Variants in THSD7A observed in about 807,000 individuals in gnomAD.
THSD7A encodes thrombospondin type-1 domain-containing protein 7A.
Under a neutral mutation model 231.3 loss-of-function variants are expected in THSD7A, and 96 were observed. That is an observed-to-expected ratio of 0.41 (90% CI 0.35 to 0.49). The LOEUF is 0.49. THSD7A is among the 20% of genes least tolerant of loss of function. The probability of loss-of-function intolerance (pLI) is 0.05; values close to 1 mark genes in which losing one functional copy is unlikely to be tolerated. For synonymous variants in THSD7A, 940 were observed against 743.3 expected (o/e 1.26, Z -4.30); for missense variants, 2,290 against 2,070.2 (o/e 1.11, Z -2.06).
chr7:11,772,220 A>G (rs563368847), intron 1 of THSD7A, among the ~76,000 whole-genome samples: 2 of 152,266 alleles, frequency 1.3e-5, no homozygotes, highest in South Asian at 4.2e-4. Context: ...AAAAAAAACA[A>G]AACAAAACAG....
At chr7:11,749,243 C>T (rs887625921) in intron 1 of THSD7A, among the ~76,000 whole-genome samples, 2 of 151,972 alleles carry the variant, frequency 1.3e-5, no homozygotes, top group African/African-American at 4.8e-5. Context: ...GAGTTTCAGT[C>T]TTATGTACAA....
At chr7:11,820,278 C>G in intron 1 of THSD7A, 6 of 478,818 alleles carry the variant, frequency 1.3e-5, no homozygotes, top group Non-Finnish European at 2.1e-5. Context: ...TTTCCAGCAC[C>G]TCTCTCCCCT....
chr7:11,449,189 A>G (rs1300370700), intron 11 of THSD7A, among the ~76,000 whole-genome samples: 1 of 151,964 alleles, frequency 6.6e-6, no homozygotes, highest in Non-Finnish European at 1.5e-5. Context: ...GATACTTTTT[A>G]AGCTTTCTGA....
chr7:11,590,021 T>G lies in THSD7A; in HGVS notation c.1453+439A>C, dbSNP rs149195632. On this transcript the variant is annotated intron_variant, in intron 4 of 27. Transcript: ENST00000423059. The surrounding 1 kb of genome is among the most constrained non-coding windows in gnomAD (Gnocchi z 4.4). ...CTTATTTAAATTGAAATTGACAATT[T>G]TATTCAATATCATAATTAACTTATT... Among the ~76,000 whole-genome samples the G allele has an allele frequency of 2.9e-3, 448 of 152,332 alleles. 2 individuals carry two copies. The highest frequency in any genetic ancestry group is 0.01 in the African/African-American group (421 of 41,588).
chr7:11,686,795 CAT>C (rs768195743), intron 1 of THSD7A, among the ~76,000 whole-genome samples: 37 of 151,882 alleles, frequency 2.4e-4, no homozygotes, highest in Admixed American at 7.2e-4. Context: ...TACTTATAGA[CAT>C]AAAGATGGCA....
intron 13 of THSD7A, among the ~76,000 whole-genome samples, chr7:11,434,629 T>C (rs1481945650): frequency 6.6e-6 from 1 of 152,132 alleles, no homozygotes. Flanking sequence ...CTGAAACATC[T>C]GGATTAATTT....
chr7:11,629,152 T>C (rs895826114), intron 2 of THSD7A, among the ~76,000 whole-genome samples: 45 of 152,128 alleles, frequency 3.0e-4, no homozygotes, highest in African/African-American at 1.1e-3. Flanking sequence ...TTTCTCCCAT[T>C]GGTAGAATCC....
intron 4 of THSD7A, among the ~76,000 whole-genome samples, chr7:11,559,658 A>C (rs186682643): frequency 3.6e-4 from 55 of 152,160 alleles, no homozygotes; most frequent in African/African-American, 1.3e-3. Context: ...AGTAGAAGAA[A>C]GAGAATAAAA....
intron 24 of THSD7A, among the ~76,000 whole-genome samples, chr7:11,381,549 A>C (rs1164091892): frequency 1.3e-5 from 2 of 152,186 alleles, no homozygotes; most frequent in Non-Finnish European, 2.9e-5. Flanking sequence ...ACTCAGAGGC[A>C]TCCAAATGCA....
chr7:11,481,540 G>C (rs1488806912), intron 7 of THSD7A, among the ~76,000 whole-genome samples: 1 of 152,030 alleles, frequency 6.6e-6, no homozygotes, highest in Non-Finnish European at 1.5e-5. Context: ...TCTAATGACT[G>C]GAAGGGTGGG....
rs1784334134 is a variant in THSD7A, at chr7:11,426,764, C to T, written c.3244-93G>A. The stretch of plus-strand genomic sequence containing the variant: ...TATGAGAAGAACACATGGTAAGTTT[C>T]AAGTATTATTACTTACATGTAAAAA... On this transcript the variant is annotated intron_variant, in intron 14 of 27. Coordinates refer to ENST00000423059, the MANE Select transcript of THSD7A (RefSeq NM_015204.3). The T allele has an allele frequency of 5.2e-6, 7 of 1,333,900 alleles. No homozygotes were observed. The East Asian group carries it at 1.3e-4, about 24-fold the overall frequency. The allele number at this position is 1,333,900 out of a possible 1,614,324, so 82.6% of individuals were successfully genotyped here.
intron 2 of THSD7A, among the ~76,000 whole-genome samples, chr7:11,613,485 T>G (rs548478404): frequency 3.8e-4 from 58 of 152,298 alleles, no homozygotes; most frequent in Admixed American, 2.2e-3. Flanking sequence ...CAGGTTGTTG[T>G]GCAGAGTCAT....
intron 1 of THSD7A, among the ~76,000 whole-genome samples, chr7:11,773,101 C>A (rs1262306170): frequency 6.6e-6 from 1 of 152,132 alleles, no homozygotes; most frequent in Non-Finnish European, 1.5e-5. Context: ...AAGGCCCCAT[C>A]ATATGTTTGC....
chr7:11,391,262 G>A (rs1782969814), intron 23 of THSD7A, among the ~76,000 whole-genome samples: 1 of 152,200 alleles, frequency 6.6e-6, no homozygotes, highest in South Asian at 2.1e-4. Flanking sequence ...GCCCCTGACT[G>A]GGGCTCCTGC....
chr7:11,819,175 A>C (rs1366422022), intron 1 of THSD7A, among the ~76,000 whole-genome samples: 1 of 152,208 alleles, frequency 6.6e-6, no homozygotes, highest in Non-Finnish European at 1.5e-5. Flanking sequence ...AAATACTAAA[A>C]GCACCAAAAG....
chr7:11,386,878 A>C (rs896532625), intron 23 of THSD7A, among the ~76,000 whole-genome samples: 84 of 152,070 alleles, frequency 5.5e-4, no homozygotes, highest in African/African-American at 2.0e-3. Context: ...ATCTTGAGTG[A>C]ATTTCTGTAT....
chr7:11,706,630 C>CTTTTT lies in THSD7A; in HGVS notation c.191-69674_191-69670dup, dbSNP rs66964252. Among the ~76,000 whole-genome samples the CTTTTT allele has an allele frequency of 6.8e-3, 449 of 66,366 alleles. 24 individuals are homozygous for CTTTTT. Among genetic ancestry groups the CTTTTT allele is most frequent in the East Asian group, 0.016 (37 of 2,288 alleles). The allele number at this position is 66,366 out of a possible 152,430, so 43.5% of individuals were successfully genotyped here. A position where few individuals can be genotyped will look rare whatever the true frequency, so the allele number is the denominator to read the frequency against. ...ATTGACTAAAAATTTTAACAAGGTG[C>CTTTTT]TTTTTTTTTTTTTTTTTTTTTTTTT... On this transcript the variant is annotated intron_variant, in intron 1 of 27. Transcript: ENST00000423059.
chr7:11,687,510 C>T (rs1486499356), intron 1 of THSD7A, among the ~76,000 whole-genome samples: 2 of 151,850 alleles, frequency 1.3e-5, no homozygotes, highest in African/African-American at 4.8e-5. Context: ...TCAAAACATT[C>T]TTCTCAGTAG....
chr7:11,829,688 G>A (rs999914079), intron 1 of THSD7A, among the ~76,000 whole-genome samples: 3 of 151,664 alleles, frequency 2.0e-5, no homozygotes, highest in Admixed American at 1.3e-4. Context: ...TAGTGATTCT[G>A]TAACTTCTAA....
Sources: gnomAD v4.1 joint callset for allele counts (sites outside exome capture counted in the v4.1 genomes callset) on GRCh38, gnomAD v4.1.1 for gene constraint, Gnocchi (gnomAD v3.1) non-coding constraint, MANE v1.5 for transcripts, NCBI Gene and HGNC (gene_info 2026-07-23, HGNC 2026-07-21) for gene names.